Variants in POFUT3 observed in about 807,000 individuals in gnomAD.
POFUT3 encodes GDP-fucose protein O-fucosyltransferase 3.
At chr8:33,318,265 T>A in the POFUT3 span, among the ~76,000 whole-genome samples, 2 of 151,562 alleles carry the variant, frequency 1.3e-5, no homozygotes, top group African/African-American at 2.4e-5. Context: ...ACTGTTTCAC[T>A]TAACCTAAAA....
the POFUT3 span, among the ~76,000 whole-genome samples, chr8:33,312,271 A>G: frequency 1.8e-4 from 27 of 150,782 alleles, no homozygotes; most frequent in Admixed American, 7.2e-4. Flanking sequence ...CAAAAAAAAA[A>G]AGAAATAGAG....
chr8:33,338,558 C>G, the POFUT3 span, among the ~76,000 whole-genome samples: 2 of 152,080 alleles, frequency 1.3e-5, no homozygotes, highest in Admixed American at 6.6e-5. Flanking sequence ...AATGAAACAC[C>G]CTTTCTCCTG....
the POFUT3 span, among the ~76,000 whole-genome samples, chr8:33,398,960 TCA>T: frequency 6.6e-6 from 1 of 152,240 alleles, no homozygotes. Context: ...TTCTCAAATT[TCA>T]GTTTTGCTAT....
the POFUT3 span, among the ~76,000 whole-genome samples, chr8:33,391,290 T>C: frequency 4.0e-4 from 61 of 152,364 alleles, no homozygotes; most frequent in African/African-American, 1.4e-3. Context: ...ACAGGACATA[T>C]ACTAAGCACA....
chr8:33,435,757 C>A, the POFUT3 span, among the ~76,000 whole-genome samples: 2 of 152,090 alleles, frequency 1.3e-5, no homozygotes, highest in Non-Finnish European at 2.9e-5. Flanking sequence ...CTCAGGTGAT[C>A]TACCCACCTC....
chr8:33,374,581 ACT>A, the POFUT3 span, among the ~76,000 whole-genome samples: 2 of 152,040 alleles, frequency 1.3e-5, no homozygotes, highest in Non-Finnish European at 2.9e-5. Context: ...ATATGACTAG[ACT>A]CTGCAGTTTA....
chr8:33,325,579 G>A, the POFUT3 span, among the ~76,000 whole-genome samples: 27 of 152,234 alleles, frequency 1.8e-4, no homozygotes, highest in African/African-American at 6.5e-4. Flanking sequence ...GGGCTGTGTT[G>A]ATTTCTCTAC....
At chr8:33,456,400 C>T in the POFUT3 span, among the ~76,000 whole-genome samples, 1 of 151,766 alleles carries the variant, frequency 6.6e-6, no homozygotes, top group Non-Finnish European at 1.5e-5. Context: ...CTCTGTCGCC[C>T]AGGCTAGAGT....
At chr8:33,419,437 G>T in the POFUT3 span, among the ~76,000 whole-genome samples, 1 of 152,210 alleles carries the variant, frequency 6.6e-6, no homozygotes, top group South Asian at 2.1e-4. Flanking sequence ...TAAATCCTTT[G>T]CATGTGCATG....
the POFUT3 span, among the ~76,000 whole-genome samples, chr8:33,326,437 T>C: frequency 1.3e-5 from 2 of 152,246 alleles, no homozygotes; most frequent in Admixed American, 6.5e-5. Context: ...GTTTTAGTCA[T>C]ATATTCAGTA....
chr8:33,427,536 G>A, the POFUT3 span, among the ~76,000 whole-genome samples: 3,547 of 151,732 alleles, frequency 0.023, 72 homozygotes, highest in East Asian at 0.11. Context: ...CCAAGATCAC[G>A]CCATTGCACT....
At chr8:33,386,150 C>A in the POFUT3 span, among the ~76,000 whole-genome samples, 6 of 132,630 alleles carry the variant, frequency 4.5e-5, 1 homozygote, top group South Asian at 1.5e-3. Flanking sequence ...GATCACGCCA[C>A]TACACTCCAG....
chr8:33,334,598 C>G, the POFUT3 span, among the ~76,000 whole-genome samples: 6 of 152,166 alleles, frequency 3.9e-5, no homozygotes, highest in African/African-American at 1.4e-4. Flanking sequence ...CCAGGTAATA[C>G]CTATGATGCT....
the POFUT3 span, among the ~76,000 whole-genome samples, chr8:33,412,973 A>G: frequency 6.6e-6 from 1 of 151,984 alleles, no homozygotes; most frequent in Non-Finnish European, 1.5e-5. Context: ...CATTGCAGTA[A>G]TGGGTCCATG....
the POFUT3 span, among the ~76,000 whole-genome samples, chr8:33,431,547 CAAAAAAAAAAAAAAAAAAAAA>C: frequency 1.1e-3 from 39 of 35,084 alleles, no homozygotes; most frequent in East Asian, 3.9e-3. Flanking sequence ...GACCCTGTCT[CAAAAAAAAAAAAAAAAAAAAA>C]AAAAAAAAAA....
chr8:33,406,618 A>G, the POFUT3 span, among the ~76,000 whole-genome samples: 7 of 151,652 alleles, frequency 4.6e-5, no homozygotes, highest in Non-Finnish European at 8.8e-5. Flanking sequence ...TTTTTTTTAG[A>G]GAAGGGTGTG....
the POFUT3 span, among the ~76,000 whole-genome samples, chr8:33,320,008 A>G: frequency 5.3e-5 from 8 of 151,402 alleles, no homozygotes; most frequent in African/African-American, 1.7e-4. Context: ...AATAGACTAT[A>G]CCATCCTCTG....
chr8:33,416,806 A>C, the POFUT3 span, among the ~76,000 whole-genome samples: 1 of 147,828 alleles, frequency 6.8e-6, no homozygotes, highest in Non-Finnish European at 1.5e-5. Context: ...AGATCGCACC[A>C]CTGCACTCCA....
the POFUT3 span, among the ~76,000 whole-genome samples, chr8:33,355,544 C>T: frequency 4.6e-5 from 7 of 152,104 alleles, no homozygotes; most frequent in African/African-American, 1.7e-4. Context: ...TCATGCATTA[C>T]CATAAACCAA....
Sources: gnomAD v4.1 joint callset for allele counts (sites outside exome capture counted in the v4.1 genomes callset) on GRCh38, gnomAD v4.1.1 for gene constraint, MANE v1.5 for transcripts, NCBI Gene and HGNC (gene_info 2026-07-23, HGNC 2026-07-21) for gene names.